GLMN: variants seen among roughly 807,000 people sequenced by gnomAD.
GLMN encodes glomulin, FKBP associated protein, also known as glomulin.
GLMN carries 75 observed loss-of-function variants against 87.8 expected under a neutral mutation model. The observed-to-expected ratio is 0.85, with a 90% CI of 0.71 to 1.04. The LOEUF (loss-of-function observed/expected upper bound fraction) is 1.04, where lower values mean the gene tolerates loss of function less well. Ranked by LOEUF, GLMN falls within the 50% of genes least tolerant of loss-of-function variation. The pLI, the probability that GLMN is intolerant of heterozygous loss-of-function variation, is 0.00. For synonymous variants in GLMN, 206 were observed against 221.6 expected (o/e 0.93, Z 0.63); for missense variants, 588 against 658.8 (o/e 0.89, Z 1.18).
At chr1:92,308,322 T>C in the GLMN span, among the ~76,000 whole-genome samples, 1 of 152,140 alleles carries the variant, frequency 6.6e-6, no homozygotes, top group Admixed American at 6.5e-5. Flanking sequence ...CCAGCTTCCT[T>C]GTTGGGAAAA....
At chr1:92,292,640 G>A (rs1649543065) in intron 3 of GLMN, among the ~76,000 whole-genome samples, 1 of 146,412 alleles carries the variant, frequency 6.8e-6, no homozygotes, top group African/African-American at 2.5e-5. Flanking sequence ...AGCCAGGATG[G>A]TCTCGATCTC....
At chr1:92,305,304 G>C in the GLMN span, among the ~76,000 whole-genome samples, 40 of 151,446 alleles carry the variant, frequency 2.6e-4, no homozygotes, top group Admixed American at 2.6e-3. Context: ...GTGATGGCGG[G>C]CGCCTGTAGT....
the GLMN span, chr1:92,324,011 G>C: frequency 6.2e-7 from 1 of 1,614,012 alleles, no homozygotes; most frequent in Non-Finnish European, 8.5e-7. Context: ...GTTGGAAAGA[G>C]AAACTTACTT....
At chr1:92,324,707 T>C in the GLMN span, among the ~76,000 whole-genome samples, 1 of 152,226 alleles carries the variant, frequency 6.6e-6, no homozygotes, top group African/African-American at 2.4e-5. Flanking sequence ...TCTTCGGTAT[T>C]CTTTCAGATT....
chr1:92,345,887 C>CT, the GLMN span: 4 of 1,605,448 alleles, frequency 2.5e-6, no homozygotes, highest in African/African-American at 5.4e-5. Context: ...GCGGAATGGA[C>CT]TTTAATTGCT....
chr1:92,367,515 G>A, the GLMN span, among the ~76,000 whole-genome samples: 3 of 152,180 alleles, frequency 2.0e-5, no homozygotes, highest in Non-Finnish European at 4.4e-5. Context: ...AACTTCTGAA[G>A]GGTGAGAGAA....
chr1:92,307,079 A>T, the GLMN span: 3 of 725,928 alleles, frequency 4.1e-6, no homozygotes, highest in Non-Finnish European at 4.4e-6. Flanking sequence ...GTAGATCTGT[A>T]GGTTTCCATT....
intron 9 of GLMN, 70 bp from the exon 10 acceptor site, chr1:92,268,205 A>G: frequency 2.4e-6 from 2 of 839,882 alleles, no homozygotes; most frequent in Non-Finnish European, 4.0e-6. Flanking sequence ...TCTTATGAAA[A>G]ATACAGCAAA....
the GLMN span, among the ~76,000 whole-genome samples, chr1:92,310,537 A>T: frequency 6.6e-6 from 1 of 152,184 alleles, no homozygotes; most frequent in African/African-American, 2.4e-5. Context: ...TTAGCTTACA[A>T]TGAGTCATGA....
At chr1:92,319,001 T>G in the GLMN span, among the ~76,000 whole-genome samples, 24 of 152,198 alleles carry the variant, frequency 1.6e-4, 1 homozygote, top group Admixed American at 1.5e-3. Flanking sequence ...TTGTTTGTTT[T>G]TTTTAAGAGA....
chr1:92,346,539 A>C, the GLMN span, among the ~76,000 whole-genome samples: 1 of 152,100 alleles, frequency 6.6e-6, no homozygotes, highest in African/African-American at 2.4e-5. Flanking sequence ...CATTTTTAGT[A>C]GTCTATTATA....
intron 17 of GLMN, among the ~76,000 whole-genome samples, chr1:92,247,497 GATT>G (rs1275715365): frequency 1.3e-5 from 2 of 152,118 alleles, no homozygotes; most frequent in Non-Finnish European, 2.9e-5. Context: ...GAGATCACAC[GATT>G]ATTATAGAAT....
At chr1:92,328,243 A>G in the GLMN span, among the ~76,000 whole-genome samples, 1 of 152,176 alleles carries the variant, frequency 6.6e-6, no homozygotes, top group African/African-American at 2.4e-5. Flanking sequence ...ATTCCCTCAA[A>G]TATGTTTTCC....
intron 7 of GLMN, among the ~76,000 whole-genome samples, chr1:92,285,977 A>T (rs1217434351): frequency 6.6e-6 from 1 of 152,136 alleles, no homozygotes; most frequent in African/African-American, 2.4e-5. Context: ...TTTCCACTCT[A>T]GGAGTTTTAA....
the GLMN span, among the ~76,000 whole-genome samples, chr1:92,314,917 C>T: frequency 2.6e-5 from 4 of 151,860 alleles, no homozygotes; most frequent in African/African-American, 9.7e-5. Flanking sequence ...TGGTGGCTCA[C>T]GCCTGTAATC....
At chr1:92,368,271 C>T in the GLMN span, among the ~76,000 whole-genome samples, 1 of 151,964 alleles carries the variant, frequency 6.6e-6, no homozygotes, top group African/African-American at 2.4e-5. Flanking sequence ...GCCAGCTACT[C>T]GGGAGGCTGA....
At chr1:92,288,755 C>A (rs1308661448) in intron 6 of GLMN, among the ~76,000 whole-genome samples, 159 bp downstream of exon 6, 1 of 152,156 alleles carries the variant, frequency 6.6e-6, no homozygotes, top group Non-Finnish European at 1.5e-5. Flanking sequence ...ATAAATGTCT[C>A]AAGTTCCCAT....
At chr1:92,264,757 C>T (rs1655423740) in intron 13 of GLMN, 119 bp from the exon 14 acceptor site, 4 of 696,988 alleles carry the variant, frequency 5.7e-6, no homozygotes, top group East Asian at 2.7e-5. Flanking sequence ...AAAAACCCCA[C>T]AGTAATGGTA....
chr1:92,262,966 A>C (rs1367324855), intron 15 of GLMN, 40 bp from the exon 16 acceptor site: 1 of 828,820 alleles, frequency 1.2e-6, no homozygotes, highest in Non-Finnish European at 2.1e-6. Flanking sequence ...GTATGGTTTT[A>C]TATAGTCAAC....
Sources: allele counts gnomAD v4.1 joint callset (sites outside exome capture counted in the v4.1 genomes callset), GRCh38; gene constraint gnomAD v4.1.1; transcripts MANE v1.5; gene names NCBI Gene and HGNC (gene_info 2026-07-23, HGNC 2026-07-21).